PPARGC1A: variants seen among roughly 807,000 people sequenced by gnomAD.
PPARGC1A encodes peroxisome proliferator-activated receptor gamma coactivator 1-alpha.
In PPARGC1A, 25 loss-of-function variants were observed where a neutral mutation model predicts 88.7. The ratio of observed to expected loss-of-function variants is 0.28; its 90% CI spans 0.21 to 0.39. The LOEUF (loss-of-function observed/expected upper bound fraction) is 0.39. PPARGC1A is among the 10% of genes least tolerant of loss of function. PPARGC1A has a pLI of 1.00. For missense variants in PPARGC1A, 880 were observed against 968.7 expected, an observed-to-expected ratio of 0.91 and a Z score of 1.22; for synonymous variants, 363 against 355.6, an observed-to-expected ratio of 1.02 and a Z score of -0.24.
the PPARGC1A span, among the ~76,000 whole-genome samples, chr4:24,227,340 G>A: frequency 6.6e-6 from 1 of 152,150 alleles, no homozygotes; most frequent in African/African-American, 2.4e-5. Context: ...GCCTGCATCA[G>A]CCTCCCAAAG....
At chr4:24,082,555 A>G in the PPARGC1A span, among the ~76,000 whole-genome samples, 2 of 152,204 alleles carry the variant, frequency 1.3e-5, no homozygotes, top group Non-Finnish European at 2.9e-5. Flanking sequence ...CTTTTGCACC[A>G]TAAGTGAGAG....
the PPARGC1A span, among the ~76,000 whole-genome samples, chr4:24,176,422 T>A: frequency 6.6e-6 from 1 of 151,914 alleles, no homozygotes; most frequent in African/African-American, 2.4e-5. Flanking sequence ...GGAGGAGAAA[T>A]GGAGGGGCGT....
the PPARGC1A span, among the ~76,000 whole-genome samples, chr4:24,318,148 G>A: frequency 2.6e-5 from 4 of 152,210 alleles, no homozygotes; most frequent in South Asian, 8.3e-4. Context: ...TTTGTCAAAT[G>A]AAGTACAGTA....
the PPARGC1A span, among the ~76,000 whole-genome samples, chr4:24,005,026 C>T: frequency 6.6e-6 from 1 of 152,096 alleles, no homozygotes; most frequent in Non-Finnish European, 1.5e-5. Context: ...AAAGACTCCA[C>T]CTGCTTATAA....
chr4:24,197,288 C>T, the PPARGC1A span, among the ~76,000 whole-genome samples: 1 of 152,192 alleles, frequency 6.6e-6, no homozygotes, highest in African/African-American at 2.4e-5. Flanking sequence ...ATTTTTATCA[C>T]ATTGTGGGCC....
At chr4:24,008,768 G>A in the PPARGC1A span, among the ~76,000 whole-genome samples, 1 of 151,884 alleles carries the variant, frequency 6.6e-6, no homozygotes, top group African/African-American at 2.4e-5. Flanking sequence ...AACAAAAGCT[G>A]GGAAAAGCAC....
chr4:23,817,473 A>T (rs572752442), intron 7 of PPARGC1A, among the ~76,000 whole-genome samples: 1 of 152,236 alleles, frequency 6.6e-6, no homozygotes, highest in South Asian at 2.1e-4. Context: ...GGGACTTCAC[A>T]ATCGATTTTA....
chr4:24,198,737 G>T, the PPARGC1A span, among the ~76,000 whole-genome samples: 2 of 152,150 alleles, frequency 1.3e-5, no homozygotes, highest in Non-Finnish European at 2.9e-5. Flanking sequence ...GAATGGGGAA[G>T]GGAAGGTGGT....
chr4:23,956,572 C>T, the PPARGC1A span, among the ~76,000 whole-genome samples: 15 of 152,074 alleles, frequency 9.9e-5, no homozygotes, highest in Non-Finnish European at 1.9e-4. Flanking sequence ...TCCCTCTCTA[C>T]CCCCAAGATC....
the PPARGC1A span, among the ~76,000 whole-genome samples, chr4:24,183,778 C>T: frequency 0.096 from 14,556 of 152,178 alleles, 796 homozygotes; most frequent in African/African-American, 0.14. Context: ...AAAGGAAAAA[C>T]GCAAGATTCA....
At chr4:24,201,938 G>C in the PPARGC1A span, among the ~76,000 whole-genome samples, 1 of 149,402 alleles carries the variant, frequency 6.7e-6, no homozygotes, top group Non-Finnish European at 1.5e-5. Context: ...GTCTCACCCT[G>C]TCACCCAGGC....
chr4:24,302,610 G>A, the PPARGC1A span, among the ~76,000 whole-genome samples: 10 of 152,200 alleles, frequency 6.6e-5, no homozygotes, highest in South Asian at 4.1e-4. Context: ...TCAGGCCCTC[G>A]TTTACAGCAG....
upstream of PPARGC1A, among the ~76,000 whole-genome samples, chr4:23,901,653 C>T (rs1431292219): frequency 1.3e-5 from 2 of 151,912 alleles, no homozygotes; most frequent in African/African-American, 4.8e-5. Context: ...CACAAAGTAT[C>T]AAATTGTGTT....
the PPARGC1A span, among the ~76,000 whole-genome samples, chr4:24,354,812 G>A: frequency 3.9e-5 from 6 of 152,110 alleles, no homozygotes; most frequent in African/African-American, 1.2e-4. Flanking sequence ...GCATGAACCC[G>A]GGAGGCGGAG....
the PPARGC1A span, among the ~76,000 whole-genome samples, chr4:24,276,517 C>A: frequency 4.4e-4 from 67 of 152,282 alleles, no homozygotes; most frequent in Non-Finnish European, 9.0e-4. Flanking sequence ...ATTTTTAATA[C>A]CTTCCCCAGG....
chr4:24,447,871 T>C, the PPARGC1A span, among the ~76,000 whole-genome samples: 1 of 152,206 alleles, frequency 6.6e-6, no homozygotes, highest in East Asian at 1.9e-4. Flanking sequence ...AGAGACTTCA[T>C]CACCAAGCCC....
At chr4:23,994,909 T>G in the PPARGC1A span, among the ~76,000 whole-genome samples, 3 of 152,140 alleles carry the variant, frequency 2.0e-5, no homozygotes, top group African/African-American at 7.2e-5. Flanking sequence ...AAAGAGACCA[T>G]CTCAGACTTC....
At chr4:24,303,855 G>A in the PPARGC1A span, among the ~76,000 whole-genome samples, 3 of 152,146 alleles carry the variant, frequency 2.0e-5, no homozygotes, top group Admixed American at 1.3e-4. Context: ...CTCCATGTCT[G>A]GTTTAACTAA....
chr4:23,828,455 G>T lies in PPARGC1A; in HGVS notation c.702C>A (p.Asp234Glu), dbSNP rs534107670. The change falls in exon 5 of 13, where the codon GAC (aspartate) becomes GAA (glutamate). Residue 234 changes from aspartate to glutamate, a missense_variant. Transcript: ENST00000264867. Reference protein sequence around the residue: ...KPTENRNSSRDKCTSKKKSHT... With the variant: ...KPTENRNSSREKCTSKKKSHT... The stretch of plus-strand genomic sequence containing the variant: ...GGGACTTCTTTTTGGAGGTGCATTT[G>T]TCTCTGCTGCTGTTTCTGTTCTCTG... 6 of 1,614,080 alleles carry T rather than the reference G, an allele frequency of 3.7e-6. No individual in the cohort carries two copies. In the East Asian group the frequency reaches 1.1e-4, roughly 30 times the overall value.
Sources: allele counts gnomAD v4.1 joint callset (sites outside exome capture counted in the v4.1 genomes callset), GRCh38; gene constraint gnomAD v4.1.1; transcripts MANE v1.5; gene names NCBI Gene and HGNC (gene_info 2026-07-23, HGNC 2026-07-21).